The following TPO variants were observed in gnomAD, a reference collection of about 807,000 sequenced individuals.
TPO encodes thyroid microsomal antigen.
A neutral mutation model predicts 96.9 loss-of-function variants in TPO; 78 were observed. That is an observed-to-expected ratio of 0.81 (90% CI 0.67 to 0.97). The LOEUF is 0.97. Among genes scored for constraint, TPO ranks in the 50% least tolerant of loss-of-function variants. The pLI is 0.00. For missense variants in TPO, 1,252 were observed against 1,274.8 expected, an observed-to-expected ratio of 0.98 and a Z score of 0.27; for synonymous variants, 547 against 538.0, an observed-to-expected ratio of 1.02 and a Z score of -0.23.
intron 15 of TPO, among the ~76,000 whole-genome samples, chr2:1,530,387 C>G (rs565053498): frequency 6.9e-6 from 1 of 144,474 alleles, no homozygotes; most frequent in Non-Finnish European, 1.5e-5. Flanking sequence ...GTGTGTGCAA[C>G]TTCCCTAAAT....
chr2:1,439,849 C>T (rs1403486228), intron 5 of TPO, among the ~76,000 whole-genome samples: 4 of 152,172 alleles, frequency 2.6e-5, no homozygotes, highest in Admixed American at 2.0e-4. Flanking sequence ...TGAGGGATGT[C>T]CCCTCTTCTG....
chr2:1,501,139 A>T (rs751168800), intron 13 of TPO, among the ~76,000 whole-genome samples: 4 of 151,310 alleles, frequency 2.6e-5, no homozygotes, highest in Non-Finnish European at 3.0e-5. Context: ...TGTGCATATT[A>T]TGGAAAATAC....
At chr2:1,472,543 C>T (rs1669520707) in intron 7 of TPO, among the ~76,000 whole-genome samples, 1 of 152,012 alleles carries the variant, frequency 6.6e-6, no homozygotes, top group African/African-American at 2.4e-5. Context: ...CCTGGGAATC[C>T]CCCCAGTGGA....
intron 13 of TPO, among the ~76,000 whole-genome samples, chr2:1,499,633 T>C (rs1227820495): frequency 7.2e-6 from 1 of 139,576 alleles, no homozygotes; most frequent in South Asian, 2.6e-4. Context: ...AAGGAGCTTA[T>C]TACACCTGTG....
intron 7 of TPO, among the ~76,000 whole-genome samples, chr2:1,457,612 TAGTG>T (rs1667950543): frequency 6.6e-6 from 1 of 151,250 alleles, no homozygotes; most frequent in African/African-American, 2.4e-5. Flanking sequence ...GCATGTATGA[TAGTG>T]TGTGGGCAGA....
intron 14 of TPO, among the ~76,000 whole-genome samples, chr2:1,504,600 C>T (rs1673219991): frequency 6.6e-6 from 1 of 152,250 alleles, no homozygotes; most frequent in African/African-American, 2.4e-5. Flanking sequence ...GCTCTGCACT[C>T]AGCTCAGGGA....
At position 1,540,813 on chromosome 2, in the gene TPO, CA is replaced by C; in HGVS notation, c.2748+91del. 2.5e-6 allele frequency: 4 copies of C among 1,606,170 alleles called. No homozygotes were observed. In the South Asian group the frequency reaches 4.4e-5, roughly 18 times the overall value. On this transcript the variant is annotated intron_variant, in intron 16 of 16. Coordinates refer to ENST00000329066, the MANE Select transcript of TPO (RefSeq NM_001206744.2). Reference sequence around the variant, plus strand: ...GGAGCAGCTCTGCTGGGGCTCCCTGCATATTTCTGTTTACTCCGTGTTTCCT... The same window carrying C: ...GGAGCAGCTCTGCTGGGGCTCCCTGCTATTTCTGTTTACTCCGTGTTTCCT...
chr2:1,465,125 A>G (rs1428801736), intron 7 of TPO, among the ~76,000 whole-genome samples: 1 of 152,196 alleles, frequency 6.6e-6, no homozygotes, highest in African/African-American at 2.4e-5. Context: ...ATGGCTTGCC[A>G]ATTATCGCAG....
At chr2:1,453,268 T>G (rs1231993282) in intron 5 of TPO, among the ~76,000 whole-genome samples, 1 of 152,218 alleles carries the variant, frequency 6.6e-6, no homozygotes, top group Non-Finnish European at 1.5e-5. Context: ...GACACCCTGG[T>G]GGCTTCATGG....
intron 4 of TPO, 55 bp from the exon 5 acceptor site, chr2:1,436,197 G>A: frequency 1.2e-6 from 2 of 1,613,570 alleles, no homozygotes; most frequent in South Asian, 2.2e-5. Flanking sequence ...TAGAATATTT[G>A]TTAGGTGGAT....
chr2:1,415,493 C>A (rs112178779), intron 2 of TPO, among the ~76,000 whole-genome samples: 1 of 148,618 alleles, frequency 6.7e-6, no homozygotes, highest in Non-Finnish European at 1.5e-5. Flanking sequence ...CTGGGCAGGT[C>A]CCTGGGCCTC....
chr2:1,416,921 C>T (rs1045213935), intron 2 of TPO, among the ~76,000 whole-genome samples: 12 of 152,184 alleles, frequency 7.9e-5, no homozygotes, highest in Admixed American at 7.9e-4. Flanking sequence ...GATCCAGGCT[C>T]CCCCTGGACC....
intron 8 of TPO, among the ~76,000 whole-genome samples, chr2:1,480,559 TACACACACACACACACACACACACACAC>T (rs3036105): frequency 6.8e-5 from 3 of 44,344 alleles, no homozygotes; most frequent in East Asian, 6.7e-4. Flanking sequence ...TCAAACCCCC[TACACACACACACACACACACACACACAC>T]ACACACACAC....
upstream of TPO, among the ~76,000 whole-genome samples, chr2:1,409,536 GTGTTAACTCTA>G (rs1356404091): frequency 2.0e-5 from 3 of 152,184 alleles, no homozygotes; most frequent in African/African-American, 7.2e-5. Flanking sequence ...CACCTGCTCA[GTGTTAACTCTA>G]TGCACGGCCA....
At chr2:1,418,178 T>G (rs904914078) in intron 2 of TPO, among the ~76,000 whole-genome samples, 8 of 151,562 alleles carry the variant, frequency 5.3e-5, no homozygotes, top group African/African-American at 1.9e-4. Flanking sequence ...TCCCAGCTAC[T>G]CGGGAGGCTG....
intron 5 of TPO, among the ~76,000 whole-genome samples, chr2:1,441,484 T>G (rs2148523516): frequency 6.6e-6 from 1 of 152,356 alleles, no homozygotes; most frequent in East Asian, 1.9e-4. Context: ...AGGAATGCTG[T>G]TGATAACTGT....
At chr2:1,506,799 A>C (rs1673513799) in intron 14 of TPO, among the ~76,000 whole-genome samples, 1 of 152,112 alleles carries the variant, frequency 6.6e-6, no homozygotes, top group Non-Finnish European at 1.5e-5. Context: ...TTGTCAAATG[A>C]GTAGGTTGCA....
In TPO at chr2:1,477,548, T is replaced by C. The variant is rs1161795297; in HGVS notation, c.1282T>C (p.Trp428Arg). The C allele has an allele frequency of 3.9e-6, 6 of 1,536,192 alleles. No individual in the cohort carries two copies. Among genetic ancestry groups the C allele is most frequent in the Non-Finnish European group, 5.2e-6 (6 of 1,146,534 alleles). ...AAALKALNAH[W>R]SADAVYQEAR... ...GGCGCTCAAGGCCCTCAATGCGCACTGGAGCGCGGACGCCGTGTACCAGGA... is the reference window on the plus strand; with the variant it reads ...GGCGCTCAAGGCCCTCAATGCGCACCGGAGCGCGGACGCCGTGTACCAGGA... Residue 428 changes from tryptophan (W) to arginine (R), a missense_variant, in exon 8 of 17, where the codon TGG (tryptophan) becomes CGG (arginine). Coordinates refer to ENST00000329066, the MANE Select transcript of TPO (RefSeq NM_001206744.2).
At chr2:1,476,327 G>A (rs1669931174) in intron 7 of TPO, among the ~76,000 whole-genome samples, 1 of 152,178 alleles carries the variant, frequency 6.6e-6, no homozygotes, top group South Asian at 2.1e-4. Flanking sequence ...AGGAAGAGCT[G>A]ACAGGGAAAG....
Sources: gnomAD v4.1 joint callset for allele counts (sites outside exome capture counted in the v4.1 genomes callset) on GRCh38, gnomAD v4.1.1 for gene constraint, MANE v1.5 for transcripts, NCBI Gene and HGNC (gene_info 2026-07-23, HGNC 2026-07-21) for gene names.